Variants in XPO5 observed in about 807,000 individuals in gnomAD.
XPO5 encodes exportin 5.
XPO5 carries 46 observed loss-of-function variants against 160.6 expected under a neutral mutation model. The observed-to-expected ratio is 0.29, with a 90% CI of 0.23 to 0.37. The LOEUF is 0.37. Among genes scored for constraint, XPO5 ranks in the 10% least tolerant of loss-of-function variants. The pLI is 1.00. For missense variants in XPO5, 1,090 were observed against 1,463.9 expected (o/e 0.74, Z 4.17); for synonymous variants, 537 against 519.3 (o/e 1.03, Z -0.46).
At chr6:43,546,194 T>C (rs1265510622) in intron 20 of XPO5, among the ~76,000 whole-genome samples, 1 of 152,210 alleles carries the variant, frequency 6.6e-6, no homozygotes, top group Non-Finnish European at 1.5e-5. Flanking sequence ...GAATACCACC[T>C]AGACAAGCAT....
Position 43,570,311 on chromosome 6 carries a change from CAAAAAAAAAAAA to C in XPO5, c.621+179_621+190del, listed in dbSNP as rs70990200. 1.2e-4 allele frequency among the ~76,000 whole-genome samples: 9 copies of C among 77,196 alleles called. No individual in the cohort carries two copies. In the East Asian group the frequency reaches 3.7e-3, roughly 31 times the overall value. 50.6% of individuals were successfully genotyped at this position (77,196 alleles called of 152,430 possible). On this transcript the variant is annotated intron_variant, in intron 5 of 31. Coordinates refer to ENST00000265351, the MANE Select transcript of XPO5 (RefSeq NM_020750.3). Reference sequence around the variant, plus strand: ...TAGGTGACAGAGCGAGCCTCCGTCTCAAAAAAAAAAAAAAAAAAAAAAGAAAGAAAATGAGCT... The same window carrying C: ...TAGGTGACAGAGCGAGCCTCCGTCTCAAAAAAAAAAGAAAGAAAATGAGCT...
chr6:43,530,364 TGAGCC>T (rs1257400030), intron 23 of XPO5, among the ~76,000 whole-genome samples: 121 of 151,416 alleles, frequency 8.0e-4, no homozygotes, highest in African/African-American at 2.7e-3. Flanking sequence ...GCAGAAGCTG[TGAGCC>T]GAGATCATAC....
intron 9 of XPO5, 26 bp from the exon 10 acceptor site, chr6:43,561,033 C>T (rs547322153): frequency 3.2e-5 from 50 of 1,562,228 alleles, no homozygotes; most frequent in African/African-American, 2.6e-4. Context: ...ACTATATTAA[C>T]GGTGTTGATC....
chr6:43,562,091 A>C (rs532623623), intron 9 of XPO5, 156 bp downstream of exon 9: 7 of 538,950 alleles, frequency 1.3e-5, no homozygotes, highest in East Asian at 9.1e-5. Context: ...CTATTCTATT[A>C]AGATAATTTA....
At position 43,530,825 on chromosome 6, in the gene XPO5, CTG is replaced by C; in HGVS notation, c.2541-3_2541-2del. On this transcript the variant is annotated splice_acceptor_variant and splice_polypyrimidine_tract_variant and intron_variant, in intron 22 of 31. Transcript: ENST00000265351. LOFTEE classifies it high-confidence loss of function. The stretch of plus-strand genomic sequence containing the variant: ...GCCTGCCTTCCCTAGGATATGAAAA[CTG>C]TAAAGGGGAAAAAAAGAGCATTGAA... 1.9e-6 allele frequency: 3 copies of C among 1,608,500 alleles called. No homozygotes were observed. The highest frequency in any genetic ancestry group is 2.5e-6 in the Non-Finnish European group (3 of 1,177,956).
Position 43,522,778 on chromosome 6 carries a change from C to T in XPO5, c.*1090G>A, listed in dbSNP as rs778299264. ...GCAGAGCACATGGACACACTGGTTT[C>T]TGTATGGATTAACTCTGCCTTACGG... On this transcript the variant is annotated 3_prime_UTR_variant, in exon 32 of 32. Transcript: ENST00000265351. The T allele has an allele frequency of 4.4e-6, 2 of 454,614 alleles. No individual in the cohort carries two copies. The highest frequency in any genetic ancestry group is 4.7e-6 in the Non-Finnish European group (1 of 210,634). 28.2% of individuals were successfully genotyped at this position (454,614 alleles called of 1,614,324 possible). A position where few individuals can be genotyped will look rare whatever the true frequency, so the allele number is the denominator to read the frequency against.
chr6:43,529,221 T>C (rs767478297), intron 23 of XPO5: 5 of 1,407,744 alleles, frequency 3.6e-6, no homozygotes, highest in East Asian at 3.7e-5. Flanking sequence ...TAACAAACTC[T>C]CCTTCACCAT....
At chr6:43,563,537 A>G (rs1762520139) in intron 8 of XPO5, among the ~76,000 whole-genome samples, 1 of 152,208 alleles carries the variant, frequency 6.6e-6, no homozygotes, top group Non-Finnish European at 1.5e-5. Flanking sequence ...ATGCATCGTT[A>G]AGTGATTTTA....
chr6:43,562,015 T>C (rs866298755), intron 9 of XPO5: 17 of 372,430 alleles, frequency 4.6e-5, no homozygotes, highest in Admixed American at 2.2e-4. Context: ...TATGGAATAA[T>C]AGACGTGGAT....
intron 20 of XPO5, among the ~76,000 whole-genome samples, chr6:43,541,571 T>C (rs1370015868): frequency 1.4e-5 from 2 of 146,078 alleles, no homozygotes; most frequent in African/African-American, 5.1e-5. Flanking sequence ...CATTAAGCAG[T>C]AGCAGTTGAT....
intron 27 of XPO5, chr6:43,526,457 T>C: frequency 1.8e-6 from 1 of 560,942 alleles, no homozygotes; most frequent in Admixed American, 3.0e-5. Flanking sequence ...AGAGAAAAGA[T>C]CACATATATG....
intron 13 of XPO5, 124 bp downstream of exon 13, chr6:43,555,712 A>G: frequency 8.3e-7 from 1 of 1,208,316 alleles, no homozygotes; most frequent in Non-Finnish European, 1.1e-6. Context: ...CAGGATGAGC[A>G]AAGCTATTTT....
At chr6:43,531,071 T>C (rs1793944655) in intron 22 of XPO5, among the ~76,000 whole-genome samples, 2 of 152,222 alleles carry the variant, frequency 1.3e-5, no homozygotes, top group African/African-American at 4.8e-5. Flanking sequence ...GCTTGGCTGA[T>C]TAGTGTAGTG....
At position 43,575,814 on chromosome 6, in the gene XPO5, C is replaced by T; in HGVS notation, c.51G>A (p.Val17=). 2.5e-6 allele frequency: 4 copies of T among 1,613,840 alleles called. No individual in the cohort carries two copies. Among genetic ancestry groups the T allele is most frequent in the Non-Finnish European group, 3.4e-6 (4 of 1,179,774 alleles). ...TGGAGTTGGGGTCCATCATGACCGT[C>T]ACCGCTTTCACCAGCTGCTCGCACA... ...NALCEQLVKA[V]TVMMDPNSTQ... Residue 17 remains valine (V), a synonymous_variant, in exon 1 of 32, where the codon GTG becomes GTA. Coordinates refer to ENST00000265351, the MANE Select transcript of XPO5 (RefSeq NM_020750.3).
At chr6:43,540,266 T>C (rs1794621273) in intron 20 of XPO5, among the ~76,000 whole-genome samples, 2 of 152,132 alleles carry the variant, frequency 1.3e-5, no homozygotes, top group South Asian at 4.1e-4. Context: ...GATCACGAGG[T>C]CAGGAGATCA....
At chr6:43,536,911 A>G (rs912580733) in intron 20 of XPO5, among the ~76,000 whole-genome samples, 3 of 151,974 alleles carry the variant, frequency 2.0e-5, no homozygotes, top group African/African-American at 7.3e-5. Context: ...GTCCTCGACA[A>G]CTCAACTCTG....
In XPO5 at chr6:43,572,581, G is replaced by T; in HGVS notation, c.228-3C>A. ...GAGACATGCCGTTCCACCGAAACCTGACCACCAAAATGCATAAAGTCAATA... is the reference window on the plus strand; with the variant it reads ...GAGACATGCCGTTCCACCGAAACCTTACCACCAAAATGCATAAAGTCAATA... On this transcript the variant is annotated splice_region_variant and splice_polypyrimidine_tract_variant and intron_variant, in intron 2 of 31. Coordinates refer to ENST00000265351, the MANE Select transcript of XPO5 (RefSeq NM_020750.3). 1 of 1,613,650 alleles carries T rather than the reference G, an allele frequency of 6.2e-7. No homozygotes were observed. Among genetic ancestry groups the T allele is most frequent in the East Asian group, 2.2e-5 (1 of 44,882 alleles).
intron 18 of XPO5, 111 bp from the exon 19 acceptor site, chr6:43,547,818 A>G (rs1795034732): frequency 1.3e-6 from 1 of 798,280 alleles, no homozygotes; most frequent in Non-Finnish European, 2.1e-6. Flanking sequence ...CAGTTTTTAT[A>G]GTGAGAGGAG....
In XPO5 at chr6:43,548,129, G is replaced by C. The variant is rs1264542225; in HGVS notation, c.2060+132C>G. The C allele has an allele frequency of 4.3e-6, 4 of 933,862 alleles. No homozygotes were observed. In the African/African-American group the frequency reaches 6.6e-5, roughly 15 times the overall value. The allele number at this position is 933,862 out of a possible 1,614,324, so 57.8% of individuals were successfully genotyped here. A position where few individuals can be genotyped will look rare whatever the true frequency, so the allele number is the denominator to read the frequency against. On this transcript the variant is annotated intron_variant, in intron 18 of 31. Transcript: ENST00000265351. ...ATTAAATTACAAAAGACTGCTTTTA[G>C]AGAACTTCAGATATCATGGATAATG...
Sources: allele counts gnomAD v4.1 joint callset (sites outside exome capture counted in the v4.1 genomes callset), GRCh38; gene constraint gnomAD v4.1.1; transcripts MANE v1.5; gene names NCBI Gene and HGNC (gene_info 2026-07-23, HGNC 2026-07-21).